SEC24A: variants seen among roughly 807,000 people sequenced by gnomAD.
The protein encoded by SEC24A is SEC24 homolog A, COPII component, also known as protein transport protein Sec24A.
A neutral mutation model predicts 129.4 loss-of-function variants in SEC24A; 93 were observed. That is an observed-to-expected ratio of 0.72 (90% CI 0.61 to 0.85). The LOEUF (loss-of-function observed/expected upper bound fraction) is 0.85. SEC24A is among the 40% of genes least tolerant of loss of function. SEC24A has a pLI of 0.00. For missense variants in SEC24A, 1,264 were observed against 1,307.4 expected (o/e 0.97, Z 0.51); for synonymous variants, 460 against 467.3 (o/e 0.98, Z 0.20).
At chr5:134,723,464 A>C in intron 21 of SEC24A, 103 bp from the exon 22 acceptor site, 1 of 725,164 alleles carries the variant, frequency 1.4e-6, no homozygotes, top group Non-Finnish European at 2.3e-6. Flanking sequence ...GTCTCAAAAA[A>C]GAAAAAAAAT....
At chr5:134,692,927 C>A in intron 12 of SEC24A, 1 of 906,930 alleles carries the variant, frequency 1.1e-6, no homozygotes, top group Non-Finnish European at 1.7e-6. Context: ...GTCTTGTCAG[C>A]CATTTGGGAA....
In SEC24A at chr5:134,717,561, A is replaced by AT. The variant is rs1752513427; in HGVS notation, c.2866-506dup. ...CAAGATCAGAAGTTAATTTGGCTTT[A>AT]TTGGGAGTCACAGTAGCTTAGTTAG... On this transcript the variant is annotated intron_variant, in intron 19 of 22. Transcript: ENST00000398844. Among the ~76,000 whole-genome samples the AT allele has an allele frequency of 2.6e-5, 4 of 152,272 alleles. No individual in the cohort carries two copies. In the East Asian group the frequency reaches 7.7e-4, roughly 29 times the overall value.
intron 7 of SEC24A, among the ~76,000 whole-genome samples, chr5:134,678,665 C>T (rs952812805): frequency 6.6e-6 from 1 of 151,802 alleles, no homozygotes; most frequent in Non-Finnish European, 1.5e-5. Context: ...ACTGCAACCT[C>T]TGCCTCCCAG....
intron 17 of SEC24A, among the ~76,000 whole-genome samples, chr5:134,707,323 T>TTTTA (rs1365526705): frequency 6.6e-6 from 1 of 151,890 alleles, no homozygotes; most frequent in Non-Finnish European, 1.5e-5. Flanking sequence ...ACTGCCTTTA[T>TTTTA]TTTATTTATT....
chr5:134,680,177 A>G (rs1751215913), intron 8 of SEC24A, among the ~76,000 whole-genome samples: 2 of 152,296 alleles, frequency 1.3e-5, no homozygotes, highest in Middle Eastern at 3.4e-3. Context: ...GTAATTGAGG[A>G]GGAGGAGATT....
At chr5:134,688,027 C>T (rs373086560) in intron 10 of SEC24A, among the ~76,000 whole-genome samples, 154 bp from the exon 11 acceptor site, 2 of 152,192 alleles carry the variant, frequency 1.3e-5, no homozygotes, top group African/African-American at 4.8e-5. Flanking sequence ...GATATGTTTT[C>T]ATGGTAAACG....
At chr5:134,721,561 C>CAAAAAAA (rs757908828) in intron 21 of SEC24A, among the ~76,000 whole-genome samples, 2 of 55,414 alleles carry the variant, frequency 3.6e-5, no homozygotes, top group Admixed American at 2.1e-4. Context: ...GACTCCATCT[C>CAAAAAAA]AAAAAAAAAA....
intron 15 of SEC24A, among the ~76,000 whole-genome samples, chr5:134,699,926 C>G (rs1264031715): frequency 6.6e-6 from 1 of 151,906 alleles, no homozygotes; most frequent in Non-Finnish European, 1.5e-5. Context: ...GTCTCAAACT[C>G]CTGACCTCAG....
intron 3 of SEC24A, among the ~76,000 whole-genome samples, chr5:134,671,208 G>A (rs1257551908): frequency 2.0e-5 from 3 of 151,816 alleles, no homozygotes; most frequent in East Asian, 2.0e-4. Flanking sequence ...ACAGGCACGC[G>A]CCACCACACC....
chr5:134,693,356 GC>G (rs1751720592), intron 12 of SEC24A: 1 of 1,367,968 alleles, frequency 7.3e-7, no homozygotes, highest in African/African-American at 1.5e-5. Flanking sequence ...ACAGGGAAGA[GC>G]TAAACTCGCT....
chr5:134,660,538 C>T (rs1399768827), intron 1 of SEC24A, among the ~76,000 whole-genome samples: 2 of 151,008 alleles, frequency 1.3e-5, no homozygotes, highest in Non-Finnish European at 2.9e-5. Flanking sequence ...TGAGACATCT[C>T]TGTATTCCCT....
intron 7 of SEC24A, among the ~76,000 whole-genome samples, chr5:134,678,939 T>G (rs1471132245): frequency 6.6e-6 from 1 of 152,068 alleles, no homozygotes; most frequent in Non-Finnish European, 1.5e-5. Flanking sequence ...GGTCTCAAAC[T>G]CCTGGCCTCA....
chr5:134,699,628 G>A (rs909747482), intron 15 of SEC24A, among the ~76,000 whole-genome samples: 68 of 151,280 alleles, frequency 4.5e-4, no homozygotes, highest in African/African-American at 1.5e-3. Context: ...TTGTACAGTG[G>A]CATCAAGTAT....
chr5:134,721,583 A>G (rs1416413566), intron 21 of SEC24A, among the ~76,000 whole-genome samples: 1 of 148,566 alleles, frequency 6.7e-6, no homozygotes, highest in Non-Finnish European at 1.5e-5. Context: ...AAAAAAAAAG[A>G]TAGATATGCC....
rs960516509 is a variant in SEC24A, at chr5:134,723,604, G to A, written c.3101G>A (p.Arg1034Lys). Residue 1034 changes from arginine (R) to lysine (K), a missense_variant, in exon 22 of 23, where the codon AGA (arginine) becomes AAA (lysine). Transcript: ENST00000398844. The part of the protein sequence containing the change: ...LPELDTPESA[R>K]IIAFISWLRE... ...GAACTTGATACACCAGAATCTGCCA[G>A]AATAATAGCTTTCATCTCTTGGCTT... The A allele has an allele frequency of 1.1e-5, 17 of 1,613,352 alleles. No individual in the cohort carries two copies. In the African/African-American group the frequency reaches 2.3e-4, roughly 22 times the overall value.
chr5:134,694,257 A>G (rs1396329635), intron 13 of SEC24A, among the ~76,000 whole-genome samples: 1 of 151,992 alleles, frequency 6.6e-6, no homozygotes, highest in Admixed American at 6.6e-5. Context: ...TGGGCGTGGT[A>G]GCTCACACCT....
At position 134,666,854 on chromosome 5, in the gene SEC24A, T is replaced by A; in HGVS notation, c.597T>A (p.Pro199=). 1 of 1,614,092 alleles carries A rather than the reference T, an allele frequency of 6.2e-7. No homozygotes were observed. Among genetic ancestry groups the A allele is most frequent in the Non-Finnish European group, 8.5e-7 (1 of 1,179,996 alleles). The change falls in exon 3 of 23, where the codon CCT becomes CCA. Residue 199 remains proline (P), a synonymous_variant. Transcript: ENST00000398844. ...GPSVPPLVNP[P]LPTTFQPGAP... is the part of the protein sequence containing the mutation. The stretch of plus-strand genomic sequence containing the variant: ...CTGTACCTCCCTTAGTGAATCCACC[T>A]CTGCCTACAACTTTTCAACCAGGAG...
In SEC24A at chr5:134,674,877, A is replaced by G. The variant is rs1751004386; in HGVS notation, c.978+102A>G. On this transcript the variant is annotated intron_variant, in intron 5 of 22. Coordinates refer to ENST00000398844, the MANE Select transcript of SEC24A (RefSeq NM_021982.3). ...AGGTATATTATACATTTTTATAACC[A>G]TTTAGAATAATAATGGATATTTCAT... 6 of 1,168,024 alleles carry G rather than the reference A, an allele frequency of 5.1e-6. No individual in the cohort carries two copies. The South Asian group carries it at 8.8e-5, about 17-fold the overall frequency. 72.4% of individuals were successfully genotyped at this position (1,168,024 alleles called of 1,614,324 possible).
chr5:134,655,646 C>T (rs138647515), intron 1 of SEC24A, among the ~76,000 whole-genome samples: 52 of 151,840 alleles, frequency 3.4e-4, no homozygotes, highest in African/African-American at 1.1e-3. Context: ...GCAGCCTGGG[C>T]GACAGAGCAA....
Sources: gnomAD v4.1 joint callset for allele counts (sites outside exome capture counted in the v4.1 genomes callset) on GRCh38, gnomAD v4.1.1 for gene constraint, MANE v1.5 for transcripts, NCBI Gene and HGNC (gene_info 2026-07-23, HGNC 2026-07-21) for gene names.